Variants in KMT5B observed in about 807,000 individuals in gnomAD.
KMT5B encodes the protein lysine methyltransferase 5B, also known as histone-lysine N-methyltransferase KMT5B.
KMT5B carries 10 observed loss-of-function variants against 83.2 expected under a neutral mutation model. That is an observed-to-expected ratio of 0.12 (90% CI 0.07 to 0.20). The LOEUF (loss-of-function observed/expected upper bound fraction) is 0.20. Ranked by LOEUF, KMT5B falls within the 10% of genes least tolerant of loss-of-function variation. The pLI is 1.00. For missense variants in KMT5B, 753 were observed against 1,067.2 expected, an observed-to-expected ratio of 0.71 and a Z score of 4.10; for synonymous variants, 349 against 388.8, an observed-to-expected ratio of 0.90 and a Z score of 1.20.
rs759063127 is a variant in KMT5B at position 68,167,034 on chromosome 11, T to C, written c.1122A>G (p.Gln374=). ...CTGCATCAGTGTTAGAGCTGACAGA[T>C]TGACTGTCTGAATTTTTGCTGCTGT... The part of the protein sequence containing the change: ...LGDSSKNSDS[Q]SVSSNTDADT... The change falls in exon 10 of 11, where the codon CAA becomes CAG. Residue 374 remains glutamine (Q), a synonymous_variant. Transcript: ENST00000304363. 1.1e-5 allele frequency: 18 copies of C among 1,614,206 alleles called. No homozygotes were observed. Among genetic ancestry groups the C allele is most frequent in the Non-Finnish European group, 3.4e-6 (4 of 1,180,024 alleles).
intron 9 of KMT5B, among the ~76,000 whole-genome samples, chr11:68,170,133 G>A (rs1855703656): frequency 2.6e-5 from 4 of 152,172 alleles, no homozygotes; most frequent in Admixed American, 2.6e-4. Context: ...GTTTTAAAGT[G>A]GGAGAAGTGA....
chr11:68,172,457 G>A (rs548893670), intron 6 of KMT5B, among the ~76,000 whole-genome samples: 3 of 151,458 alleles, frequency 2.0e-5, no homozygotes, highest in South Asian at 4.2e-4. Flanking sequence ...GGATGGTCTC[G>A]ATTTCTTGAC....
intron 1 of KMT5B, among the ~76,000 whole-genome samples, chr11:68,202,591 C>T (rs1212801270): frequency 6.6e-6 from 1 of 150,582 alleles, no homozygotes; most frequent in Admixed American, 6.6e-5. Flanking sequence ...CTCTGTTGCC[C>T]AGGCTGGAGT....
chr11:68,188,487 T>C (rs978732675), intron 2 of KMT5B, among the ~76,000 whole-genome samples: 3 of 151,934 alleles, frequency 2.0e-5, no homozygotes, highest in South Asian at 2.1e-4. Context: ...GTTGGAACCA[T>C]AGACATGCAA....
intron 1 of KMT5B, among the ~76,000 whole-genome samples, chr11:68,191,674 G>A (rs989474509): frequency 6.6e-6 from 1 of 152,060 alleles, no homozygotes; most frequent in South Asian, 2.1e-4. Context: ...TGTATTTTAA[G>A]CCAAGTATTA....
intron 1 of KMT5B, among the ~76,000 whole-genome samples, chr11:68,196,314 T>C (rs568441755): frequency 1.3e-5 from 2 of 152,042 alleles, no homozygotes; most frequent in South Asian, 4.2e-4. Context: ...GAAGTGTTCC[T>C]TGACATTCAC....
intron 1 of KMT5B, among the ~76,000 whole-genome samples, chr11:68,193,864 G>C (rs931332642): frequency 8.7e-5 from 13 of 150,036 alleles, no homozygotes; most frequent in Non-Finnish European, 1.5e-5. Flanking sequence ...GCAGTGGTGT[G>C]ATGATGGCTC....
chr11:68,191,325 T>G (rs1858035740), intron 1 of KMT5B, among the ~76,000 whole-genome samples: 1 of 150,604 alleles, frequency 6.6e-6, no homozygotes, highest in Non-Finnish European at 1.5e-5. Context: ...TGTGCCTGGC[T>G]AAGAAAGAAT....
At chr11:68,187,688 G>C (rs1049256076) in intron 2 of KMT5B, among the ~76,000 whole-genome samples, 2 of 152,198 alleles carry the variant, frequency 1.3e-5, no homozygotes, top group African/African-American at 4.8e-5. Context: ...AGGCCTCATT[G>C]GTTTATAGTC....
chr11:68,213,334 G>A (rs1341033611), upstream of KMT5B: 1 of 147,594 alleles, frequency 6.8e-6, no homozygotes, highest in Non-Finnish European at 1.5e-5. Flanking sequence ...TCCCTCCGCT[G>A]ACGGGAAAAA....
chr11:68,163,318 G>C (rs1053760901), intron 10 of KMT5B, among the ~76,000 whole-genome samples: 2 of 152,198 alleles, frequency 1.3e-5, no homozygotes, highest in African/African-American at 4.8e-5. Flanking sequence ...AAGCTTACAC[G>C]AACTAGCATG....
chr11:68,210,986 A>G (rs1860821907), intron 1 of KMT5B, among the ~76,000 whole-genome samples: 1 of 152,242 alleles, frequency 6.6e-6, no homozygotes, highest in African/African-American at 2.4e-5. Flanking sequence ...AGCCATGGGA[A>G]GGGCATTCCT....
At chr11:68,184,277 CAG>C (rs1349642429) in intron 3 of KMT5B, among the ~76,000 whole-genome samples, 1 of 151,826 alleles carries the variant, frequency 6.6e-6, no homozygotes, top group Non-Finnish European at 1.5e-5. Context: ...GAAACTGAGG[CAG>C]AAGAATCACT....
chr11:68,179,313 T>G (rs1050922668), intron 4 of KMT5B, among the ~76,000 whole-genome samples: 3 of 152,208 alleles, frequency 2.0e-5, no homozygotes, highest in African/African-American at 7.2e-5. Context: ...CCTCCCTTAA[T>G]AGAAAATTTG....
chr11:68,211,094 G>A (rs1037155105), intron 1 of KMT5B, among the ~76,000 whole-genome samples: 10 of 152,072 alleles, frequency 6.6e-5, no homozygotes, highest in African/African-American at 2.4e-4. Flanking sequence ...CTGATAATCA[G>A]GTAAAGGAAA....
At position 68,166,970 on chromosome 11, in the gene KMT5B, T is replaced by C; in HGVS notation, c.1174+12A>G. On this transcript the variant is annotated intron_variant, in intron 10 of 10. Transcript: ENST00000304363. ...TTTTAAAAGATATGCTTATCAAATCTCCCTTACTTACTTGCATTGTTTTTT... is the reference window on the plus strand; with the variant it reads ...TTTTAAAAGATATGCTTATCAAATCCCCCTTACTTACTTGCATTGTTTTTT... The C allele has an allele frequency of 6.2e-7, 1 of 1,612,134 alleles. No individual in the cohort carries two copies. The highest frequency in any genetic ancestry group is 8.5e-7 in the Non-Finnish European group (1 of 1,178,560).
chr11:68,210,406 G>A (rs1565269361), intron 1 of KMT5B, among the ~76,000 whole-genome samples: 1 of 152,214 alleles, frequency 6.6e-6, no homozygotes, highest in South Asian at 2.1e-4. Flanking sequence ...ATAATTATTA[G>A]GAGAAAATAG....
rs1479163692 is a variant in KMT5B at position 68,158,932 on chromosome 11, T to C, written c.1414A>G (p.Met472Val). Residue 472 changes from methionine (M) to valine (V), a missense_variant, in exon 11 of 11, where the codon ATG becomes GTG. Met to Val is a conservative substitution (Grantham distance 21). This residue lies in a region of KMT5B where 397 missense variants were observed against 395.9 expected (regional missense o/e 1.00). Coordinates refer to ENST00000304363, the MANE Select transcript of KMT5B (RefSeq NM_017635.5). ...EQKNASRKLE[M>V]GNLVLKEPKV... The stretch of plus-strand genomic sequence containing the variant: ...GGCTCTTTCAGTACTAAGTTTCCCA[T>C]TTCGAGTTTTCTTGAAGCATTCTTT... The C allele has an allele frequency of 3.7e-6, 6 of 1,613,644 alleles. No homozygotes were observed. The African/African-American group carries it at 8.0e-5, about 22-fold the overall frequency.
intron 4 of KMT5B, among the ~76,000 whole-genome samples, chr11:68,178,994 A>G (rs1050783966): frequency 1.3e-5 from 2 of 152,216 alleles, no homozygotes; most frequent in African/African-American, 2.4e-5. Context: ...TAGATTGCCA[A>G]TGACTTAGGG....
Sources: gnomAD v4.1 joint callset for allele counts (sites outside exome capture counted in the v4.1 genomes callset) on GRCh38, gnomAD v4.1.1 for gene constraint, gnomAD v4.1.1 regional missense constraint, MANE v1.5 for transcripts, NCBI Gene and HGNC (gene_info 2026-07-23, HGNC 2026-07-21) for gene names.